Variants in RAG1 observed in about 807,000 individuals in gnomAD.
The protein encoded by RAG1 is V(D)J recombination-activating protein 1.
RAG1 carries 35 observed loss-of-function variants against 62.7 expected under a neutral mutation model. The observed-to-expected ratio is 0.56, with a 90% CI of 0.43 to 0.74. The LOEUF (loss-of-function observed/expected upper bound fraction) is 0.74, where lower values mean the gene tolerates loss of function less well. Among genes scored for constraint, RAG1 ranks in the 30% least tolerant of loss-of-function variants. The pLI, the probability that RAG1 is intolerant of heterozygous loss-of-function variation, is 0.00. For missense variants in RAG1, 1,169 were observed against 1,278.6 expected (o/e 0.91, Z 1.31); for synonymous variants, 461 against 470.3 (o/e 0.98, Z 0.26).
chr11:36,518,721 C>G (rs1860032802), intron 1 of RAG1, among the ~76,000 whole-genome samples: 1 of 152,096 alleles, frequency 6.6e-6, no homozygotes, highest in South Asian at 2.1e-4. Flanking sequence ...TGTTGGAGTT[C>G]ATTGTAGATT....
chr11:36,526,247 C>T (rs574268950), intron 2 of RAG1, among the ~76,000 whole-genome samples: 70 of 133,992 alleles, frequency 5.2e-4, no homozygotes, highest in African/African-American at 1.7e-3. Context: ...CCCCCACCCC[C>T]GATAGGCCCC....
Position 36,573,320 on chromosome 11 carries a change from C to T in RAG1, c.16C>T (p.Pro6Ser), listed in dbSNP as rs1422281887. 1.9e-6 allele frequency: 3 copies of T among 1,614,034 alleles called. No homozygotes were observed. Among genetic ancestry groups the T allele is most frequent in the Non-Finnish European group, 2.5e-6 (3 of 1,180,036 alleles). ...CTCAGCCAGCATGGCAGCCTCTTTCCCACCCACCTTGGGACTCAGTTCTGC... is the reference window on the plus strand; with the variant it reads ...CTCAGCCAGCATGGCAGCCTCTTTCTCACCCACCTTGGGACTCAGTTCTGC... MAASF[P>S]PTLGLSSAPD... Residue 6 changes from proline to serine, a missense_variant, in exon 2 of 2, where the codon CCA becomes TCA. This residue lies in a region of RAG1 where 369 missense variants were observed against 335.3 expected (regional missense o/e 1.10). Transcript: ENST00000299440.
intron 2 of RAG1, among the ~76,000 whole-genome samples, chr11:36,535,141 G>A (rs1036500699): frequency 6.6e-6 from 1 of 151,758 alleles, no homozygotes; most frequent in Non-Finnish European, 1.5e-5. Flanking sequence ...AGAAGTTGTT[G>A]GCATTTTTTA....
intron 2 of RAG1, among the ~76,000 whole-genome samples, chr11:36,535,484 T>G (rs567118651): frequency 6.6e-6 from 1 of 152,272 alleles, no homozygotes; most frequent in South Asian, 2.1e-4. Flanking sequence ...AGGCCAGATG[T>G]GATAATCCCA....
At chr11:36,527,271 G>A (rs1860177921) in intron 2 of RAG1, among the ~76,000 whole-genome samples, 1 of 152,168 alleles carries the variant, frequency 6.6e-6, no homozygotes, top group South Asian at 2.1e-4. Context: ...TAAGGTGTAA[G>A]GAAGTGATCC....
At chr11:36,518,767 A>C (rs937901444) in intron 1 of RAG1, among the ~76,000 whole-genome samples, 6 of 152,270 alleles carry the variant, frequency 3.9e-5, no homozygotes, top group African/African-American at 1.4e-4. Flanking sequence ...AGTAGATTGC[A>C]AAAATTTTCT....
chr11:36,549,184 A>C (rs1850445338), intron 3 of RAG1, among the ~76,000 whole-genome samples: 1 of 152,252 alleles, frequency 6.6e-6, no homozygotes, highest in Non-Finnish European at 1.5e-5. Flanking sequence ...AAGAAAACCT[A>C]GGCAATACCA....
intron 2 of RAG1, among the ~76,000 whole-genome samples, chr11:36,526,662 C>T (rs1379719673): frequency 6.6e-6 from 1 of 152,186 alleles, no homozygotes; most frequent in Non-Finnish European, 1.5e-5. Flanking sequence ...GCCACACTGT[C>T]TTCCACAATG....
intron 2 of RAG1, among the ~76,000 whole-genome samples, chr11:36,535,744 C>CAAAT (rs891533882): frequency 7.9e-5 from 12 of 151,870 alleles, no homozygotes; most frequent in East Asian, 7.7e-4. Context: ...GACTCCCTCT[C>CAAAT]AAATAAATAA....
downstream of RAG1, among the ~76,000 whole-genome samples, chr11:36,538,673 T>C (rs1860368866): frequency 6.6e-6 from 1 of 152,214 alleles, no homozygotes; most frequent in Non-Finnish European, 1.5e-5. Context: ...TTAACCTTTT[T>C]TCCTCTGGCT....
intron 1 of RAG1, among the ~76,000 whole-genome samples, chr11:36,517,469 A>G (rs1860011565): frequency 6.6e-6 from 1 of 152,172 alleles, no homozygotes; most frequent in East Asian, 1.9e-4. Context: ...TAGAATGACA[A>G]AATTAGGTAA....
At chr11:36,525,089 T>A (rs1860139946) in intron 2 of RAG1, among the ~76,000 whole-genome samples, 1 of 151,798 alleles carries the variant, frequency 6.6e-6, no homozygotes, top group Non-Finnish European at 1.5e-5. Context: ...TCCCTTCCCC[T>A]CTTTCTGTCT....
intron 2 of RAG1, among the ~76,000 whole-genome samples, chr11:36,522,138 G>C (rs542266825): frequency 6.6e-6 from 1 of 152,164 alleles, no homozygotes; most frequent in Non-Finnish European, 1.5e-5. Context: ...ATGAAGAGCC[G>C]AATGTTAATC....
At position 36,575,911 on chromosome 11, in the gene RAG1, T is replaced by C. The variant is rs751400793; in HGVS notation, c.2607T>C (p.Val869=). 1.4e-5 allele frequency: 22 copies of C among 1,614,116 alleles called. No homozygotes were observed. The highest frequency in any genetic ancestry group is 1.8e-5 in the Non-Finnish European group (21 of 1,180,030). The stretch of plus-strand genomic sequence containing the variant: ...TGACCAAAGAGACTGTGGATGCAGT[T>C]TGTGAGTTAATTCCTTCCGAGGAGA... ...KLMTKETVDA[V]CELIPSEERH... The change falls in exon 2 of 2, where the codon GTT becomes GTC. Residue 869 remains valine, a synonymous_variant. Coordinates refer to ENST00000299440, the MANE Select transcript of RAG1 (RefSeq NM_000448.3). The surrounding 1 kb of genome is among the most constrained non-coding windows in gnomAD (Gnocchi z 4.1).
chr11:36,563,818 G>C (rs968454681), upstream of RAG1, among the ~76,000 whole-genome samples: 2 of 152,066 alleles, frequency 1.3e-5, no homozygotes, highest in African/African-American at 4.8e-5. Context: ...AGGCAAACTG[G>C]GCAGTTGCCT....
rs1018094516 is a variant in RAG1 at position 36,576,642 on chromosome 11, G to A, written c.*206G>A. 11 of 627,608 alleles carry A rather than the reference G, an allele frequency of 1.8e-5. No individual in the cohort carries two copies. The highest frequency in any genetic ancestry group is 1.3e-4 in the African/African-American group (7 of 54,048). 38.9% of individuals were successfully genotyped at this position (627,608 alleles called of 1,614,324 possible). A position where few individuals can be genotyped will look rare whatever the true frequency, so the allele number is the denominator to read the frequency against. ...TGAGGCTTTTAGTGAGTTCCGAAAA[G>A]CAACAGGAAAAATCAGTTATCTGAA... On this transcript the variant is annotated 3_prime_UTR_variant, in exon 2 of 2. Coordinates refer to ENST00000299440, the MANE Select transcript of RAG1 (RefSeq NM_000448.3).
intron 1 of RAG1, among the ~76,000 whole-genome samples, chr11:36,519,801 C>A (rs972207198): frequency 4.6e-5 from 7 of 151,958 alleles, no homozygotes; most frequent in African/African-American, 1.5e-4. Flanking sequence ...GAACATAACC[C>A]CTCCACGCCC....
rs1359107780 is a variant in RAG1, at chr11:36,575,865, G to A, written c.2561G>A (p.Gly854Asp). 1 of 1,614,076 alleles carries A rather than the reference G, an allele frequency of 6.2e-7. No individual in the cohort carries two copies. Among genetic ancestry groups the A allele is most frequent in the Non-Finnish European group, 8.5e-7 (1 of 1,180,058 alleles). ...CTCAAACCAATCATGAGGATGAATGGCAACTTTGCCAGGAAGCTCATGACC... is the reference window on the plus strand; with the variant it reads ...CTCAAACCAATCATGAGGATGAATGACAACTTTGCCAGGAAGCTCATGACC... ...MNLKPIMRMN[G>D]NFARKLMTKE... Residue 854 changes from glycine (G) to aspartate (D), a missense_variant, in exon 2 of 2, where the codon GGC (glycine) becomes GAC (aspartate). Gly to Asp is a moderately conservative substitution (Grantham distance 94, BLOSUM62 -1). Coordinates refer to ENST00000299440, the MANE Select transcript of RAG1 (RefSeq NM_000448.3). This position sits in a 1 kb window ranked among gnomAD's most constrained non-coding sequence, Gnocchi z 4.1.
downstream of RAG1, among the ~76,000 whole-genome samples, chr11:36,536,906 C>G: frequency 7.2e-6 from 1 of 138,646 alleles, no homozygotes; most frequent in Non-Finnish European, 1.6e-5. Context: ...CTACAGGCGC[C>G]TGCCACCACG....
Sources: allele counts gnomAD v4.1 joint callset (sites outside exome capture counted in the v4.1 genomes callset), GRCh38; gene constraint gnomAD v4.1.1; regional missense constraint gnomAD v4.1.1; non-coding constraint Gnocchi (gnomAD v3.1); transcripts MANE v1.5; gene names NCBI Gene and HGNC (gene_info 2026-07-23, HGNC 2026-07-21).